The following ZRANB1 variants were observed in gnomAD, a reference collection of about 807,000 sequenced individuals.
The protein encoded by ZRANB1 is ubiquitin thioesterase ZRANB1.
ZRANB1 carries 16 observed loss-of-function variants against 80.5 expected under a neutral mutation model. The ratio of observed to expected loss-of-function variants is 0.20; its 90% CI spans 0.13 to 0.30. The LOEUF (loss-of-function observed/expected upper bound fraction) is 0.30, where lower values mean the gene tolerates loss of function less well. ZRANB1 is among the 10% of genes least tolerant of loss of function. ZRANB1 has a pLI of 1.00. For missense variants in ZRANB1, 576 were observed against 862.6 expected, an observed-to-expected ratio of 0.67 and a Z score of 4.16; for synonymous variants, 291 against 293.1, an observed-to-expected ratio of 0.99 and a Z score of 0.07.
chr10:124,960,768 G>A (rs1332796144), intron 1 of ZRANB1, among the ~76,000 whole-genome samples: 1 of 152,120 alleles, frequency 6.6e-6, no homozygotes, highest in Admixed American at 6.5e-5. Context: ...GTAAAAAAAA[G>A]GTGGGCTAGA....
At chr10:124,919,790 T>G in the ZRANB1 span, among the ~76,000 whole-genome samples, 11 of 151,302 alleles carry the variant, frequency 7.3e-5, no homozygotes, top group Admixed American at 2.0e-4. Flanking sequence ...TTTTTGTATT[T>G]TTAGTGGAGA....
the ZRANB1 span, among the ~76,000 whole-genome samples, chr10:124,920,001 C>T: frequency 6.8e-6 from 1 of 146,024 alleles, no homozygotes; most frequent in African/African-American, 2.5e-5. Context: ...TTCACTACAA[C>T]CTCCGCCTCC....
Position 124,974,269 on chromosome 10 carries a change from A to G in ZRANB1, c.1298A>G (p.Tyr433Cys). 1 of 1,614,252 alleles carries G rather than the reference A, an allele frequency of 6.2e-7. No homozygotes were observed. Among genetic ancestry groups the G allele is most frequent in the Non-Finnish European group, 8.5e-7 (1 of 1,180,042 alleles). ...GCTACACGTTTGGACAGTCGACTGTATGCACTTTGGAACCGGACTGCAGGA... is the reference window on the plus strand; with the variant it reads ...GCTACACGTTTGGACAGTCGACTGTGTGCACTTTGGAACCGGACTGCAGGA... ...ELATRLDSRLYALWNRTAGDC... is the reference protein window; with the variant it reads ...ELATRLDSRLCALWNRTAGDC... Residue 433 changes from tyrosine to cysteine, a missense_variant, in exon 5 of 9, where the codon TAT (tyrosine) becomes TGT (cysteine). Transcript: ENST00000359653.
At chr10:124,942,095 A>G (rs1216884106), upstream of ZRANB1, 6 of 1,008,616 alleles carry the variant, frequency 5.9e-6, no homozygotes, top group Admixed American at 2.5e-4. Context: ...TTGTCTCTTT[A>G]AACTATTGGT....
At chr10:124,952,946 A>G (rs1045767216) in intron 1 of ZRANB1, among the ~76,000 whole-genome samples, 6 of 149,626 alleles carry the variant, frequency 4.0e-5, no homozygotes, top group Non-Finnish European at 7.4e-5. Flanking sequence ...TTATTTTGAG[A>G]TGGAGTCTTG....
the ZRANB1 span, among the ~76,000 whole-genome samples, chr10:124,927,049 G>C: frequency 6.6e-6 from 1 of 152,222 alleles, no homozygotes; most frequent in Admixed American, 6.5e-5. Context: ...CCGCCCCCTG[G>C]GGTTCACGCC....
At chr10:124,934,973 A>C in the ZRANB1 span, among the ~76,000 whole-genome samples, 95,421 of 152,070 alleles carry the variant, frequency 0.63, 32,174 homozygotes, top group Non-Finnish European at 0.75. Flanking sequence ...ATGTGAGAAC[A>C]GTATGTTTAA....
chr10:124,949,834 T>A (rs1265497641), intron 1 of ZRANB1, among the ~76,000 whole-genome samples: 1 of 152,182 alleles, frequency 6.6e-6, no homozygotes, highest in Non-Finnish European at 1.5e-5. Context: ...AGTTGCCCAA[T>A]AGCAGTGGTA....
the ZRANB1 span, among the ~76,000 whole-genome samples, chr10:124,929,944 C>CAA: frequency 6.3e-3 from 553 of 87,474 alleles, 5 homozygotes; most frequent in South Asian, 0.012. Flanking sequence ...GACTCTGTCT[C>CAA]AAAAAAAAAA....
At chr10:124,937,446 A>G (rs1003864857), upstream of ZRANB1, among the ~76,000 whole-genome samples, 1 of 151,820 alleles carries the variant, frequency 6.6e-6, no homozygotes, top group Non-Finnish European at 1.5e-5. Context: ...TCGGCCTCCC[A>G]AAGTGCTGGG....
Position 124,942,863 on chromosome 10 carries a change from G to A in ZRANB1, c.370G>A (p.Gly124Arg), listed in dbSNP as rs774900196. The A allele has an allele frequency of 1.2e-6, 2 of 1,614,194 alleles. No individual in the cohort carries two copies. Among genetic ancestry groups the A allele is most frequent in the Non-Finnish European group, 1.7e-6 (2 of 1,180,032 alleles). Residue 124 changes from glycine to arginine, a missense_variant, in exon 1 of 9, where the codon GGA (glycine) becomes AGA (arginine). By Grantham distance (125) the Gly-to-Arg change is moderately radical. This residue lies in a region of ZRANB1 where 411 missense variants were observed against 583.1 expected (regional missense o/e 0.70). Coordinates refer to ENST00000359653, the MANE Select transcript of ZRANB1 (RefSeq NM_017580.3). ...TCCTACAGAATCTCCTCAGTCCTCA[G>A]GATCTGGCTCAAGACCAGTTGCTTT... is the stretch of plus-strand genomic sequence containing the variant. ...RSPTESPQSS[G>R]SGSRPVAFSV...
intron 2 of ZRANB1, among the ~76,000 whole-genome samples, chr10:124,968,099 G>A (rs1318252934): frequency 6.6e-6 from 1 of 152,082 alleles, no homozygotes; most frequent in Non-Finnish European, 1.5e-5. Flanking sequence ...GTTTCACCAT[G>A]TTGGCTAGGC....
chr10:124,946,804 C>T (rs937903716), intron 1 of ZRANB1, among the ~76,000 whole-genome samples: 4 of 152,210 alleles, frequency 2.6e-5, no homozygotes, highest in African/African-American at 9.6e-5. Flanking sequence ...AGCAGTAAGA[C>T]TAACAGAAGT....
Position 124,987,810 on chromosome 10 carries a change from T to C in ZRANB1, c.*2818T>C, listed in dbSNP as rs925511423. On this transcript the variant is annotated 3_prime_UTR_variant, in exon 9 of 9. Coordinates refer to ENST00000359653, the MANE Select transcript of ZRANB1 (RefSeq NM_017580.3). Reference sequence around the variant, plus strand: ...TATAAGGAAGAGCTCAGAGGGAGTTTCATACCTGGAATTGTTGGACTTAAT... The same window carrying C: ...TATAAGGAAGAGCTCAGAGGGAGTTCCATACCTGGAATTGTTGGACTTAAT... 5.3e-5 allele frequency: 8 copies of C among 152,224 alleles called. No individual in the cohort carries two copies. The highest frequency in any genetic ancestry group is 1.7e-4 in the African/African-American group (7 of 41,446). 9.4% of individuals were successfully genotyped at this position (152,224 alleles called of 1,614,324 possible). A position where few individuals can be genotyped will look rare whatever the true frequency, so the allele number is the denominator to read the frequency against.
chr10:124,987,933 T>A lies in ZRANB1; in HGVS notation c.*2941T>A, dbSNP rs974576744. 5.9e-5 allele frequency: 9 copies of A among 152,198 alleles called. No homozygotes were observed. The highest frequency in any genetic ancestry group is 5.2e-4 in the Admixed American group (8 of 15,278). 9.4% of individuals were successfully genotyped at this position (152,198 alleles called of 1,614,324 possible). ...AACTCATGGGACTATTTGCAACACT[T>A]CTTTGTAAATATCATTTTGTTTGTT... On this transcript the variant is annotated 3_prime_UTR_variant, in exon 9 of 9. Transcript: ENST00000359653.
At chr10:124,948,590 G>C (rs986143800) in intron 1 of ZRANB1, among the ~76,000 whole-genome samples, 1 of 149,330 alleles carries the variant, frequency 6.7e-6, no homozygotes, top group African/African-American at 2.5e-5. Context: ...CTCCACCTTC[G>C]CTTCTTTTCT....
the ZRANB1 span, among the ~76,000 whole-genome samples, chr10:124,922,808 G>T: frequency 6.6e-6 from 1 of 151,786 alleles, no homozygotes; most frequent in Admixed American, 6.6e-5. Context: ...GCTAATTTTT[G>T]TATTCAGCCG....
At chr10:124,936,686 C>T in the ZRANB1 span, among the ~76,000 whole-genome samples, 7 of 152,146 alleles carry the variant, frequency 4.6e-5, no homozygotes, top group South Asian at 2.1e-4. Flanking sequence ...TGAGTATGTG[C>T]GATACTTTGG....
the ZRANB1 span, among the ~76,000 whole-genome samples, chr10:124,924,515 A>T: frequency 4.6e-5 from 7 of 152,236 alleles, no homozygotes; most frequent in South Asian, 1.0e-3. Context: ...GCAACCACTA[A>T]TCTACTTTGT....
Sources: allele counts gnomAD v4.1 joint callset (sites outside exome capture counted in the v4.1 genomes callset), GRCh38; gene constraint gnomAD v4.1.1; regional missense constraint gnomAD v4.1.1; transcripts MANE v1.5; gene names NCBI Gene and HGNC (gene_info 2026-07-23, HGNC 2026-07-21).